PIGK: variants seen among roughly 807,000 people sequenced by gnomAD.
PIGK encodes GPI-anchor transamidase.
PIGK carries 42 observed loss-of-function variants against 50.6 expected under a neutral mutation model. The ratio of observed to expected loss-of-function variants is 0.83; its 90% CI spans 0.65 to 1.07. PIGK has a LOEUF of 1.07. PIGK is among the 50% of genes least tolerant of loss of function. The pLI, the probability that PIGK is intolerant of heterozygous loss-of-function variation, is 0.00. For missense variants in PIGK, 448 were observed against 488.7 expected (o/e 0.92, Z 0.78); for synonymous variants, 151 against 156.0 (o/e 0.97, Z 0.24).
chr1:77,115,536 A>T (rs1307615122), intron 10 of PIGK, among the ~76,000 whole-genome samples: 2 of 152,128 alleles, frequency 1.3e-5, no homozygotes, highest in African/African-American at 4.8e-5. Context: ...TGCACAGATC[A>T]GTCCTGCACA....
intron 10 of PIGK, among the ~76,000 whole-genome samples, chr1:77,097,794 T>C (rs1653453078): frequency 6.6e-6 from 1 of 152,066 alleles, no homozygotes; most frequent in Non-Finnish European, 1.5e-5. Context: ...GGATTTCATA[T>C]AAATATTTTA....
At chr1:77,112,415 T>C (rs1653875498) in intron 10 of PIGK, among the ~76,000 whole-genome samples, 1 of 152,032 alleles carries the variant, frequency 6.6e-6, no homozygotes, top group Non-Finnish European at 1.5e-5. Context: ...AGTTTCTGTA[T>C]TTATATGAGA....
chr1:77,131,303 A>G (rs1205078024), intron 9 of PIGK, among the ~76,000 whole-genome samples: 1 of 151,848 alleles, frequency 6.6e-6, no homozygotes. Context: ...TCTCTTATTA[A>G]ATTTAATATT....
chr1:77,122,897 C>A (rs6603935), intron 9 of PIGK, among the ~76,000 whole-genome samples: 150,939 of 152,292 alleles, frequency 0.99, 74,802 homozygotes, highest in East Asian at 1. Flanking sequence ...ATTTGTTTAT[C>A]GCCATCTAGG....
At chr1:77,137,875 A>T (rs1422245401) in intron 9 of PIGK, among the ~76,000 whole-genome samples, 1 of 152,248 alleles carries the variant, frequency 6.6e-6, no homozygotes, top group East Asian at 1.9e-4. Flanking sequence ...AAGTGCTGGG[A>T]CTACAGGAGT....
chr1:77,119,255 A>T lies in PIGK; in HGVS notation c.1071+3020T>A, dbSNP rs537957233. Among the ~76,000 whole-genome samples the T allele has an allele frequency of 2.4e-4, 37 of 152,344 alleles. No individual in the cohort carries two copies. The South Asian group carries it at 7.7e-3, about 32-fold the overall frequency. On this transcript the variant is annotated intron_variant, in intron 10 of 10. Coordinates refer to ENST00000370812, the MANE Select transcript of PIGK (RefSeq NM_005482.3). ...TGCTAAATTGGGAGAATTTACACTT[A>T]TACTTTCATCATGTTGTTTATTTGG...
At chr1:77,110,907 T>C (rs1036203385) in intron 10 of PIGK, among the ~76,000 whole-genome samples, 7 of 151,976 alleles carry the variant, frequency 4.6e-5, no homozygotes, top group Non-Finnish European at 7.4e-5. Flanking sequence ...CTCAAACAAA[T>C]TTACAAGAAA....
intron 10 of PIGK, among the ~76,000 whole-genome samples, chr1:77,108,457 C>T (rs1278516535): frequency 6.6e-6 from 1 of 152,134 alleles, no homozygotes; most frequent in East Asian, 1.9e-4. Flanking sequence ...GCCGAGAGAT[C>T]TGCTGTTAGT....
At position 77,191,425 on chromosome 1, in the gene PIGK, A is replaced by C. The variant is rs1463200972; in HGVS notation, c.239+15215T>G. Among the ~76,000 whole-genome samples the C allele has an allele frequency of 4.6e-5, 7 of 152,338 alleles. No homozygotes were observed. In the South Asian group the frequency reaches 1.0e-3, roughly 23 times the overall value. ...TCTCCCTAACTAAGCTACTATAATA[A>C]AAGTATTTTGGAACCTTGCTTAGCA... On this transcript the variant is annotated intron_variant, in intron 3 of 10. Transcript: ENST00000370812.
At chr1:77,214,723 AAAC>A (rs1447166122) in intron 1 of PIGK, among the ~76,000 whole-genome samples, 6 of 152,302 alleles carry the variant, frequency 3.9e-5, no homozygotes, top group East Asian at 1.9e-4. Context: ...CCTTGTTCAC[AAAC>A]AACATGATCT....
intron 10 of PIGK, among the ~76,000 whole-genome samples, chr1:77,093,285 A>G (rs985165530): frequency 6.6e-6 from 1 of 151,884 alleles, no homozygotes; most frequent in Non-Finnish European, 1.5e-5. Context: ...TCCCCACCCC[A>G]CAAGTGTCAC....
intron 3 of PIGK, among the ~76,000 whole-genome samples, chr1:77,172,024 T>C (rs1377544385): frequency 6.6e-6 from 1 of 151,924 alleles, no homozygotes; most frequent in East Asian, 1.9e-4. Context: ...ACTAAATGCC[T>C]GCTGCTGTGT....
chr1:77,195,584 G>A (rs912113646), intron 3 of PIGK, among the ~76,000 whole-genome samples: 2 of 152,190 alleles, frequency 1.3e-5, no homozygotes, highest in African/African-American at 4.8e-5. Flanking sequence ...TTAACAACTG[G>A]TGGAACTTCA....
chr1:77,157,193 T>A (rs1393037245), intron 8 of PIGK, among the ~76,000 whole-genome samples: 1 of 152,180 alleles, frequency 6.6e-6, no homozygotes, highest in Non-Finnish European at 1.5e-5. Context: ...ACTATACACA[T>A]ATACTCTAAT....
chr1:77,189,249 T>C (rs1655828596), intron 3 of PIGK, among the ~76,000 whole-genome samples: 1 of 152,198 alleles, frequency 6.6e-6, no homozygotes, highest in Non-Finnish European at 1.5e-5. Context: ...AAAAGACTTA[T>C]TATTGTCTTT....
intron 9 of PIGK, among the ~76,000 whole-genome samples, chr1:77,153,364 G>C (rs970468854): frequency 2.0e-5 from 3 of 152,006 alleles, no homozygotes; most frequent in Non-Finnish European, 4.4e-5. Flanking sequence ...TGTTTGGGAG[G>C]AGAATGAAGA....
At chr1:77,164,737 C>T (rs1655199551) in intron 5 of PIGK, among the ~76,000 whole-genome samples, 1 of 151,786 alleles carries the variant, frequency 6.6e-6, no homozygotes, top group Non-Finnish European at 1.5e-5. Flanking sequence ...ACTTAACACC[C>T]TGGCCAGATT....
intron 1 of PIGK, among the ~76,000 whole-genome samples, chr1:77,215,802 T>G (rs148799255): frequency 6.6e-6 from 1 of 152,132 alleles, no homozygotes; most frequent in Non-Finnish European, 1.5e-5. Context: ...TGGATGAACC[T>G]GGAGGAAATT....
At chr1:77,191,038 G>T (rs1023127857) in intron 3 of PIGK, among the ~76,000 whole-genome samples, 2 of 152,156 alleles carry the variant, frequency 1.3e-5, no homozygotes, top group Non-Finnish European at 2.9e-5. Context: ...CTTTCTTCCT[G>T]TTTTCCATTG....
Sources: gnomAD v4.1 joint callset for allele counts (sites outside exome capture counted in the v4.1 genomes callset) on GRCh38, gnomAD v4.1.1 for gene constraint, MANE v1.5 for transcripts, NCBI Gene and HGNC (gene_info 2026-07-23, HGNC 2026-07-21) for gene names.